Variants in SEPTIN11 observed in about 807,000 individuals in gnomAD.
SEPTIN11 encodes the protein septin 11.
A neutral mutation model predicts 51.4 loss-of-function variants in SEPTIN11; 25 were observed. The ratio of observed to expected loss-of-function variants is 0.49; its 90% CI spans 0.35 to 0.68. The LOEUF (loss-of-function observed/expected upper bound fraction) is 0.68. SEPTIN11 is among the 30% of genes least tolerant of loss of function. The pLI, the probability that SEPTIN11 is intolerant of heterozygous loss-of-function variation, is 0.00. For synonymous variants in SEPTIN11, 174 were observed against 184.1 expected, an observed-to-expected ratio of 0.95 and a Z score of 0.44; for missense variants, 381 against 520.8, an observed-to-expected ratio of 0.73 and a Z score of 2.61.
chr4:77,002,484 AG>A lies in SEPTIN11; in HGVS notation c.143-3114del, dbSNP rs1335908640. Among the ~76,000 whole-genome samples the A allele has an allele frequency of 3.3e-5, 5 of 152,332 alleles. No homozygotes were observed. In the South Asian group the frequency reaches 6.2e-4, roughly 19 times the overall value. ...TTTCCCATGAAGGAGAAACTTTTAT[AG>A]GGCAGATCTGCTTCTGTGCCTTTTG... On this transcript the variant is annotated intron_variant, in intron 2 of 9. Transcript: ENST00000264893.
At chr4:76,969,811 C>A (rs902682283) in intron 1 of SEPTIN11, among the ~76,000 whole-genome samples, 2 of 152,106 alleles carry the variant, frequency 1.3e-5, no homozygotes, top group Non-Finnish European at 2.9e-5. Flanking sequence ...CATTTCTAGC[C>A]CTTTTCTGAC....
intron 5 of SEPTIN11, among the ~76,000 whole-genome samples, chr4:77,017,779 T>G (rs1578190073): frequency 6.6e-6 from 1 of 152,240 alleles, no homozygotes; most frequent in East Asian, 1.9e-4. Context: ...ATCTTATTCT[T>G]ACATGCTAAT....
chr4:76,971,866 A>G (rs1052313748), intron 1 of SEPTIN11, among the ~76,000 whole-genome samples: 1 of 152,222 alleles, frequency 6.6e-6, no homozygotes, highest in Admixed American at 6.5e-5. Context: ...AAAATGCCAA[A>G]TGGTTGTCAC....
In SEPTIN11 at chr4:77,036,958, A is replaced by G. The variant is rs1727075613; in HGVS notation, c.*2446A>G. ...GGGGCAGGAAGGTAATGGTTTGAGTAGCCTTTGTTTAAAAAAAAGACTAAA... is the reference window on the plus strand; with the variant it reads ...GGGGCAGGAAGGTAATGGTTTGAGTGGCCTTTGTTTAAAAAAAAGACTAAA... On this transcript the variant is annotated 3_prime_UTR_variant, in exon 10 of 10. Coordinates refer to ENST00000264893, the MANE Select transcript of SEPTIN11 (RefSeq NM_018243.4). 7.8e-7 allele frequency: 1 copy of G among 1,283,926 alleles called. No homozygotes were observed. The highest frequency in any genetic ancestry group is 9.8e-7 in the Non-Finnish European group (1 of 1,018,254). 79.5% of individuals were successfully genotyped at this position (1,283,926 alleles called of 1,614,324 possible). A position where few individuals can be genotyped will look rare whatever the true frequency, so the allele number is the denominator to read the frequency against.
chr4:76,957,558 C>T (rs772432239), intron 1 of SEPTIN11, among the ~76,000 whole-genome samples: 3 of 152,220 alleles, frequency 2.0e-5, no homozygotes, highest in Admixed American at 6.5e-5. Flanking sequence ...CTGCCTGGAA[C>T]ATTCATCCTC....
rs888935171 is a variant in SEPTIN11, at chr4:77,031,028, G to A, written c.1274+58G>A. On this transcript the variant is annotated intron_variant, in intron 9 of 9. Transcript: ENST00000264893. ...CTCTAACAATTTATTCCTCTTGCAT[G>A]TCTCTACTTTTCCCATTTACAGACT... The A allele has an allele frequency of 1.9e-5, 28 of 1,477,704 alleles. No individual in the cohort carries two copies. The Admixed American group carries it at 6.4e-4, about 34-fold the overall frequency. The allele number at this position is 1,477,704 out of a possible 1,614,324, so 91.5% of individuals were successfully genotyped here.
intron 3 of SEPTIN11, among the ~76,000 whole-genome samples, chr4:77,008,812 TTCCTC>T (rs1391571033): frequency 6.6e-6 from 1 of 152,224 alleles, no homozygotes; most frequent in African/African-American, 2.4e-5. Flanking sequence ...CCTCCTGTCT[TTCCTC>T]TGATTGATAT....
intron 7 of SEPTIN11, among the ~76,000 whole-genome samples, chr4:77,023,302 A>T (rs994699813): frequency 6.3e-5 from 9 of 143,934 alleles, no homozygotes; most frequent in East Asian, 2.0e-4. Flanking sequence ...ACACACACAC[A>T]ATATATATAT....
At chr4:76,971,574 A>G (rs893766125) in intron 1 of SEPTIN11, among the ~76,000 whole-genome samples, 1 of 151,794 alleles carries the variant, frequency 6.6e-6, no homozygotes, top group African/African-American at 2.4e-5. Context: ...TTAGATTTAG[A>G]TTTAGATTTA....
intron 4 of SEPTIN11, 108 bp from the exon 5 acceptor site, chr4:77,014,748 A>G (rs1400235558): frequency 9.3e-7 from 1 of 1,074,714 alleles, no homozygotes; most frequent in African/African-American, 1.6e-5. Context: ...AAACATCTTT[A>G]TTTTTTACAG....
chr4:77,008,992 A>G (rs1724679063), intron 3 of SEPTIN11, among the ~76,000 whole-genome samples: 1 of 152,266 alleles, frequency 6.6e-6, no homozygotes, highest in Non-Finnish European at 1.5e-5. Context: ...CATCTCATCT[A>G]CAGGATGATG....
At position 77,035,244 on chromosome 4, in the gene SEPTIN11, A is replaced by G. The variant is rs145731390; in HGVS notation, c.*732A>G. On this transcript the variant is annotated 3_prime_UTR_variant, in exon 10 of 10. Coordinates refer to ENST00000264893, the MANE Select transcript of SEPTIN11 (RefSeq NM_018243.4). ...GTGCATCCTTGATCCTCTCACAGAT[A>G]GAGGTCTTAAAGGTTGGATCATGTA... 7.5e-4 allele frequency: 740 copies of G among 985,376 alleles called. 3 individuals carry two copies. In the African/African-American group the frequency reaches 0.012, roughly 16 times the overall value. The allele number at this position is 985,376 out of a possible 1,614,324, so 61.0% of individuals were successfully genotyped here.
chr4:77,020,698 C>T, intron 7 of SEPTIN11, 28 bp downstream of exon 7: 1 of 1,602,018 alleles, frequency 6.2e-7, no homozygotes, highest in African/African-American at 1.3e-5. Flanking sequence ...AATCAGGTGT[C>T]TCCCAGACAG....
chr4:77,027,429 C>T (rs1726245859), intron 7 of SEPTIN11, among the ~76,000 whole-genome samples: 1 of 152,216 alleles, frequency 6.6e-6, no homozygotes, highest in African/African-American at 2.4e-5. Flanking sequence ...AACCACCATG[C>T]TTGGCCTAAT....
At chr4:77,018,704 G>GTCT (rs10651913) in intron 5 of SEPTIN11, among the ~76,000 whole-genome samples, 73,567 of 151,752 alleles carry the variant, frequency 0.48, 18,556 homozygotes, top group East Asian at 0.62. Flanking sequence ...ATCTACCTTG[G>GTCT]TCTTTTTCAG....
intron 1 of SEPTIN11, among the ~76,000 whole-genome samples, chr4:76,980,398 C>T (rs772394194): frequency 2.6e-5 from 4 of 152,128 alleles, no homozygotes; most frequent in African/African-American, 4.8e-5. Flanking sequence ...TATTAATATC[C>T]GGGCTAAAGG....
At chr4:77,002,893 G>A (rs995698998) in intron 2 of SEPTIN11, among the ~76,000 whole-genome samples, 1 of 152,146 alleles carries the variant, frequency 6.6e-6, no homozygotes, top group African/African-American at 2.4e-5. Context: ...AACAGTGTCA[G>A]TGTCTGTTTT....
intron 1 of SEPTIN11, among the ~76,000 whole-genome samples, chr4:76,986,259 A>C (rs1407354640): frequency 6.6e-6 from 1 of 151,742 alleles, no homozygotes; most frequent in Non-Finnish European, 1.5e-5. Flanking sequence ...CATTGCTGCT[A>C]TTTGGCGTGA....
chr4:76,965,494 G>A (rs1337455845), intron 1 of SEPTIN11, among the ~76,000 whole-genome samples: 1 of 149,292 alleles, frequency 6.7e-6, no homozygotes, highest in Non-Finnish European at 1.5e-5. Context: ...TTTGTCTTTT[G>A]GGCTTAGAAT....
Sources: allele counts gnomAD v4.1 joint callset (sites outside exome capture counted in the v4.1 genomes callset), GRCh38; gene constraint gnomAD v4.1.1; transcripts MANE v1.5; gene names NCBI Gene and HGNC (gene_info 2026-07-23, HGNC 2026-07-21).